Variants in UBE3D observed in about 807,000 individuals in gnomAD.
UBE3D encodes ubiquitin protein ligase E3D.
A neutral mutation model predicts 49.6 loss-of-function variants in UBE3D; 48 were observed. The ratio of observed to expected loss-of-function variants is 0.97; its 90% CI spans 0.77 to 1.23. The LOEUF (loss-of-function observed/expected upper bound fraction) is 1.23. UBE3D is among the 50% of genes most tolerant of loss of function. UBE3D has a pLI of 0.00. For missense variants in UBE3D, 452 were observed against 468.4 expected (o/e 0.96, Z 0.32); for synonymous variants, 189 against 174.2 (o/e 1.08, Z -0.67).
At chr6:82,963,050 A>G (rs191324264) in intron 8 of UBE3D, among the ~76,000 whole-genome samples, 106 of 152,288 alleles carry the variant, frequency 7.0e-4, no homozygotes, top group African/African-American at 2.4e-3. Flanking sequence ...TGTAATTTCA[A>G]TCACATAAAA....
At chr6:83,044,345 A>T in intron 4 of UBE3D, 83 bp downstream of exon 4, 2 of 1,341,866 alleles carry the variant, frequency 1.5e-6, no homozygotes, top group Non-Finnish European at 1.0e-6. Context: ...TCTATGTAAC[A>T]AGCCCTTAAT....
intron 8 of UBE3D, among the ~76,000 whole-genome samples, chr6:82,971,396 T>C (rs1319928747): frequency 6.6e-6 from 1 of 151,650 alleles, no homozygotes; most frequent in Non-Finnish European, 1.5e-5. Context: ...ATAAATTAGG[T>C]CCACTCTAAT....
intron 9 of UBE3D, among the ~76,000 whole-genome samples, chr6:82,901,205 A>T (rs368344630): frequency 6.6e-6 from 1 of 152,252 alleles, no homozygotes; most frequent in South Asian, 2.1e-4. Flanking sequence ...TTTTCAAATA[A>T]TATTATTCTA....
intron 9 of UBE3D, among the ~76,000 whole-genome samples, chr6:82,913,262 G>A (rs1772660350): frequency 1.3e-5 from 2 of 152,210 alleles, no homozygotes. Context: ...TCACTGTACT[G>A]TTGCAAGGTT....
intron 9 of UBE3D, among the ~76,000 whole-genome samples, chr6:82,894,971 G>C (rs1197162550): frequency 6.6e-6 from 1 of 152,154 alleles, no homozygotes; most frequent in East Asian, 1.9e-4. Context: ...ATTCCAACCA[G>C]GAAATACTTA....
At chr6:82,905,716 T>C (rs1772053062) in intron 9 of UBE3D, among the ~76,000 whole-genome samples, 1 of 152,150 alleles carries the variant, frequency 6.6e-6, no homozygotes, top group Non-Finnish European at 1.5e-5. Flanking sequence ...ACACAGCTCC[T>C]TACTCAAGTC....
rs111650911 is a variant in UBE3D at position 83,002,696 on chromosome 6, C to A, written c.1010+16277G>T. On this transcript the variant is annotated intron_variant, in intron 8 of 9. Transcript: ENST00000369747. ...TGAGACTCCGTCACAAACAAACAAACAAAAGGCTGGTGGGGGCTAGCTGGG... is the reference window on the plus strand; with the variant it reads ...TGAGACTCCGTCACAAACAAACAAAAAAAAGGCTGGTGGGGGCTAGCTGGG... Among the ~76,000 whole-genome samples, 1,503 of 152,248 alleles carry A rather than the reference C, an allele frequency of 9.9e-3. 24 individuals are homozygous for A. The highest frequency in any genetic ancestry group is 0.034 in the African/African-American group (1,427 of 41,572).
At chr6:82,923,188 AC>A (rs1426747623) in intron 9 of UBE3D, among the ~76,000 whole-genome samples, 2 of 152,206 alleles carry the variant, frequency 1.3e-5, no homozygotes, top group Admixed American at 6.5e-5. Context: ...ATACTATTTG[AC>A]CCAGCAATCC....
intron 8 of UBE3D, among the ~76,000 whole-genome samples, chr6:82,990,853 C>T (rs1778835728): frequency 6.6e-6 from 1 of 152,108 alleles, no homozygotes; most frequent in Admixed American, 6.5e-5. Flanking sequence ...GCATGAACCA[C>T]AGATTGTTCC....
At chr6:83,048,186 A>C (rs184984900) in intron 3 of UBE3D, among the ~76,000 whole-genome samples, 1 of 151,880 alleles carries the variant, frequency 6.6e-6, no homozygotes, top group Admixed American at 6.6e-5. Flanking sequence ...AATGCAGAAC[A>C]GCCATAGAGG....
chr6:83,018,884 G>A, intron 8 of UBE3D, 89 bp downstream of exon 8: 1 of 1,459,254 alleles, frequency 6.9e-7, no homozygotes, highest in Non-Finnish European at 9.4e-7. Flanking sequence ...AAATGGTATA[G>A]TGGCATTTAA....
chr6:83,035,116 G>A (rs1346974581), intron 5 of UBE3D, among the ~76,000 whole-genome samples: 2 of 151,464 alleles, frequency 1.3e-5, no homozygotes, highest in African/African-American at 4.9e-5. Flanking sequence ...GGGAGGTTGA[G>A]GCTGCCATGA....
intron 3 of UBE3D, among the ~76,000 whole-genome samples, chr6:83,052,903 G>C (rs202209274): frequency 1.3e-5 from 2 of 152,220 alleles, no homozygotes; most frequent in Non-Finnish European, 1.5e-5. Flanking sequence ...GGCAACAAGT[G>C]TAATTAGGTG....
At chr6:83,055,961 G>T (rs1310433999) in intron 2 of UBE3D, among the ~76,000 whole-genome samples, 1 of 152,090 alleles carries the variant, frequency 6.6e-6, no homozygotes, top group African/African-American at 2.4e-5. Context: ...AAGTGCTGAG[G>T]AATCTGTTTT....
chr6:82,895,827 C>G (rs1177098936), intron 9 of UBE3D, among the ~76,000 whole-genome samples: 1 of 152,176 alleles, frequency 6.6e-6, no homozygotes, highest in Non-Finnish European at 1.5e-5. Context: ...CAGAAAACTA[C>G]AGAGGCTTAG....
In UBE3D at chr6:82,930,791, T is replaced by C. The variant is rs892737497; in HGVS notation, c.1149+26521A>G. Among the ~76,000 whole-genome samples, 13 of 152,260 alleles carry C rather than the reference T, an allele frequency of 8.5e-5. No homozygotes were observed. In the East Asian group the frequency reaches 2.3e-3, roughly 27 times the overall value. On this transcript the variant is annotated intron_variant, in intron 9 of 9. Transcript: ENST00000369747. Reference sequence around the variant, plus strand: ...TAACAGGAAGCAGAGCATAAAAGTTTAAAAAATTTGCAGCCTGACAGTGCA... The same window carrying C: ...TAACAGGAAGCAGAGCATAAAAGTTCAAAAAATTTGCAGCCTGACAGTGCA...
intron 9 of UBE3D, among the ~76,000 whole-genome samples, chr6:82,956,208 AG>A (rs1776145545): frequency 6.6e-6 from 1 of 152,248 alleles, no homozygotes; most frequent in African/African-American, 2.4e-5. Flanking sequence ...CTTCAGAAGT[AG>A]AAACAACCCA....
At chr6:82,937,679 A>T (rs1325329394) in intron 9 of UBE3D, among the ~76,000 whole-genome samples, 1 of 152,222 alleles carries the variant, frequency 6.6e-6, no homozygotes, top group Non-Finnish European at 1.5e-5. Flanking sequence ...AATGTGCACC[A>T]AGAACCAGAG....
intron 5 of UBE3D, among the ~76,000 whole-genome samples, chr6:83,029,672 G>A (rs1195146772): frequency 6.6e-6 from 1 of 152,160 alleles, no homozygotes; most frequent in East Asian, 1.9e-4. Context: ...GCAGGACATT[G>A]TGTGCAATAT....
Sources: gnomAD v4.1 joint callset for allele counts (sites outside exome capture counted in the v4.1 genomes callset) on GRCh38, gnomAD v4.1.1 for gene constraint, MANE v1.5 for transcripts, NCBI Gene and HGNC (gene_info 2026-07-23, HGNC 2026-07-21) for gene names.